The following ARHGAP42 variants were observed in gnomAD, a reference collection of about 807,000 sequenced individuals.
ARHGAP42 encodes rho GTPase-activating protein 42.
In ARHGAP42, 63 loss-of-function variants were observed where a neutral mutation model predicts 125.0. The observed-to-expected ratio is 0.50, with a 90% CI of 0.41 to 0.62. ARHGAP42 has a LOEUF of 0.62. Among genes scored for constraint, ARHGAP42 ranks in the 20% least tolerant of loss-of-function variants. The probability of loss-of-function intolerance (pLI) is 0.00; values close to 1 mark genes in which losing one functional copy is unlikely to be tolerated. For missense variants in ARHGAP42, 766 were observed against 1,024.2 expected (o/e 0.75, Z 3.44); for synonymous variants, 339 against 351.0 (o/e 0.97, Z 0.38).
chr11:100,956,890 A>T (rs1358947524), intron 12 of ARHGAP42, among the ~76,000 whole-genome samples: 3 of 152,108 alleles, frequency 2.0e-5, no homozygotes, highest in Non-Finnish European at 4.4e-5. Context: ...TCAAAAAACA[A>T]CACTTGTGGC....
rs1195938331 is a variant in ARHGAP42 at position 100,687,699 on chromosome 11, G to A, written c.21G>A (p.Glu7=). Residue 7 remains glutamate (E), a synonymous_variant, in exon 1 of 24, where the codon GAG becomes GAA. Coordinates refer to ENST00000298815, the MANE Select transcript of ARHGAP42 (RefSeq NM_152432.4). MGLPTL[E]FSDSYLDSPD... ...GTGCCATGGGGCTGCCCACTCTGGA[G>A]TTCAGCGATTCCTACTTGGACAGCC... 1 of 1,543,804 alleles carries A rather than the reference G, an allele frequency of 6.5e-7. No homozygotes were observed. The highest frequency in any genetic ancestry group is 2.5e-5 in the East Asian group (1 of 40,426).
At chr11:100,894,239 C>T (rs773947831) in intron 4 of ARHGAP42, among the ~76,000 whole-genome samples, 18 of 152,170 alleles carry the variant, frequency 1.2e-4, no homozygotes, top group Non-Finnish European at 2.2e-4. Flanking sequence ...CCCTCACTCA[C>T]GGACTTGGCA....
chr11:100,720,990 A>G (rs1861748717), intron 1 of ARHGAP42, among the ~76,000 whole-genome samples: 1 of 152,086 alleles, frequency 6.6e-6, no homozygotes, highest in Non-Finnish European at 1.5e-5. Context: ...ATACAGAATT[A>G]CAATATTACC....
At chr11:100,955,308 T>C (rs1369565266) in intron 12 of ARHGAP42, among the ~76,000 whole-genome samples, 1 of 152,158 alleles carries the variant, frequency 6.6e-6, no homozygotes, top group Non-Finnish European at 1.5e-5. Flanking sequence ...CTTCTGCTTC[T>C]ACCCTCACCC....
At chr11:100,735,931 A>T (rs894939108) in intron 1 of ARHGAP42, among the ~76,000 whole-genome samples, 13 of 151,822 alleles carry the variant, frequency 8.6e-5, no homozygotes, top group African/African-American at 2.7e-4. Context: ...GTACTTTTTA[A>T]GTGTTTCATA....
intron 14 of ARHGAP42, 149 bp from the exon 15 acceptor site, chr11:100,961,535 G>T (rs747719828): frequency 1.7e-6 from 1 of 603,848 alleles, no homozygotes; most frequent in Non-Finnish European, 2.8e-6. Context: ...ATCAATTCAC[G>T]CAAACAACAG....
intron 4 of ARHGAP42, among the ~76,000 whole-genome samples, chr11:100,875,077 C>G (rs1865780515): frequency 1.5e-5 from 1 of 67,568 alleles, no homozygotes; most frequent in Non-Finnish European, 3.0e-5. Context: ...TCCACTGTCT[C>G]TCTCTCTCTC....
At chr11:100,773,639 G>A (rs191041510) in intron 2 of ARHGAP42, among the ~76,000 whole-genome samples, 5 of 152,240 alleles carry the variant, frequency 3.3e-5, no homozygotes, top group Non-Finnish European at 5.9e-5. Flanking sequence ...ACTATGCTAC[G>A]CAGCCTTCTA....
At chr11:100,830,217 G>T (rs1864632660) in intron 3 of ARHGAP42, among the ~76,000 whole-genome samples, 1 of 152,148 alleles carries the variant, frequency 6.6e-6, no homozygotes, top group Non-Finnish European at 1.5e-5. Flanking sequence ...TCCCAAGCTT[G>T]ACGAGACTTA....
intron 1 of ARHGAP42, among the ~76,000 whole-genome samples, chr11:100,754,425 G>A (rs1862527365): frequency 6.6e-6 from 1 of 152,128 alleles, no homozygotes; most frequent in Admixed American, 6.5e-5. Context: ...GAAACCAACT[G>A]GTACTTTAAG....
chr11:100,872,656 G>C (rs1420951843), intron 4 of ARHGAP42, among the ~76,000 whole-genome samples: 1 of 152,108 alleles, frequency 6.6e-6, no homozygotes, highest in Non-Finnish European at 1.5e-5. Context: ...GCCTCCCAAA[G>C]TGCTGAGATT....
intron 1 of ARHGAP42, among the ~76,000 whole-genome samples, chr11:100,707,040 A>T (rs1327819825): frequency 1.3e-5 from 2 of 152,356 alleles, no homozygotes; most frequent in African/African-American, 4.8e-5. Context: ...CTTACTTAGC[A>T]TATTTCAAGG....
At chr11:100,920,841 C>A (rs1278060881) in intron 5 of ARHGAP42, among the ~76,000 whole-genome samples, 1 of 152,090 alleles carries the variant, frequency 6.6e-6, no homozygotes, top group Non-Finnish European at 1.5e-5. Flanking sequence ...TTTGACTCTG[C>A]TACCAGTATT....
chr11:100,924,572 C>T (rs1163823410), intron 6 of ARHGAP42, among the ~76,000 whole-genome samples: 2 of 151,894 alleles, frequency 1.3e-5, no homozygotes, highest in African/African-American at 4.8e-5. Flanking sequence ...GAAGCTGAGG[C>T]ACGAGAATTG....
intron 1 of ARHGAP42, among the ~76,000 whole-genome samples, chr11:100,701,143 C>CTT (rs200859842): frequency 2.0e-4 from 28 of 138,766 alleles, no homozygotes; most frequent in Non-Finnish European, 2.4e-4. Flanking sequence ...GTAAAATGAA[C>CTT]TTTTTTTTTT....
chr11:100,754,615 TA>T (rs1862531230), intron 1 of ARHGAP42, among the ~76,000 whole-genome samples: 1 of 152,240 alleles, frequency 6.6e-6, no homozygotes, highest in Admixed American at 6.5e-5. Context: ...TTAATTTCTT[TA>T]TAGATGTATT....
intron 3 of ARHGAP42, 80 bp from the exon 4 acceptor site, chr11:100,859,474 A>AT (rs1865394658): frequency 1.7e-6 from 2 of 1,209,386 alleles, no homozygotes; most frequent in Non-Finnish European, 2.3e-6. Flanking sequence ...TATTTGATAC[A>AT]TTGGATAAAG....
At chr11:100,859,027 C>T (rs1469428930) in intron 3 of ARHGAP42, among the ~76,000 whole-genome samples, 2 of 152,134 alleles carry the variant, frequency 1.3e-5, no homozygotes, top group South Asian at 2.1e-4. Context: ...GAATCAAATA[C>T]TATTTTAGTC....
At chr11:100,902,918 T>A (rs1304528468) in intron 4 of ARHGAP42, among the ~76,000 whole-genome samples, 2 of 152,102 alleles carry the variant, frequency 1.3e-5, no homozygotes, top group African/African-American at 4.8e-5. Flanking sequence ...GGAAGATAAA[T>A]CTTGCTTCTT....
Sources: gnomAD v4.1 joint callset for allele counts (sites outside exome capture counted in the v4.1 genomes callset) on GRCh38, gnomAD v4.1.1 for gene constraint, MANE v1.5 for transcripts, NCBI Gene and HGNC (gene_info 2026-07-23, HGNC 2026-07-21) for gene names.